The following CACNA2D3 variants were observed in gnomAD, a reference collection of about 807,000 sequenced individuals.
CACNA2D3 encodes the protein calcium voltage-gated channel auxiliary subunit alpha2delta 3, also known as voltage-dependent calcium channel subunit alpha-2/delta-3.
In CACNA2D3, 60 loss-of-function variants were observed where a neutral mutation model predicts 160.6. The ratio of observed to expected loss-of-function variants is 0.37; its 90% CI spans 0.30 to 0.46. The LOEUF is 0.46. Among genes scored for constraint, CACNA2D3 ranks in the 20% least tolerant of loss-of-function variants. The pLI is 1.00. For missense variants in CACNA2D3, 1,205 were observed against 1,365.0 expected (o/e 0.88, Z 1.85); for synonymous variants, 558 against 492.9 (o/e 1.13, Z -1.75).
At chr3:54,498,990 G>A (rs1298682142) in intron 4 of CACNA2D3, among the ~76,000 whole-genome samples, 1 of 152,026 alleles carries the variant, frequency 6.6e-6, no homozygotes, top group Non-Finnish European at 1.5e-5. Flanking sequence ...AACATAGTAT[G>A]TGGATTTCAG....
chr3:54,472,005 C>A (rs1700741449), intron 4 of CACNA2D3, among the ~76,000 whole-genome samples: 1 of 152,100 alleles, frequency 6.6e-6, no homozygotes, highest in Admixed American at 6.6e-5. Context: ...TGAAATAACT[C>A]CAAATGATAG....
At chr3:54,127,080 G>A (rs1699609377) in intron 2 of CACNA2D3, among the ~76,000 whole-genome samples, 1 of 152,172 alleles carries the variant, frequency 6.6e-6, no homozygotes, top group East Asian at 1.9e-4. Context: ...ATCCTCCTCA[G>A]GGAGAATTGG....
chr3:55,072,494 T>C (rs557335157), intron 35 of CACNA2D3, among the ~76,000 whole-genome samples: 14 of 152,346 alleles, frequency 9.2e-5, no homozygotes, highest in African/African-American at 3.4e-4. Context: ...AACAAATTTA[T>C]TGCGAGAAAG....
rs568913299 is a variant in CACNA2D3 at position 54,634,884 on chromosome 3, A to G, written c.1053+7008A>G. Reference sequence around the variant, plus strand: ...TACTTCAGGCCATCTGGGCATATACATGCAGGTCACAGGGGATGCAATGGC... The same window carrying G: ...TACTTCAGGCCATCTGGGCATATACGTGCAGGTCACAGGGGATGCAATGGC... On this transcript the variant is annotated intron_variant, in intron 10 of 37. Coordinates refer to ENST00000474759, the MANE Select transcript of CACNA2D3 (RefSeq NM_018398.3). Among the ~76,000 whole-genome samples, 238 of 150,410 alleles carry G rather than the reference A, an allele frequency of 1.6e-3. 1 individual carries two copies. The highest frequency in any genetic ancestry group is 5.2e-3 in the African/African-American group (209 of 40,444).
chr3:54,725,128 T>G (rs886072180), intron 11 of CACNA2D3, among the ~76,000 whole-genome samples: 1 of 152,152 alleles, frequency 6.6e-6, no homozygotes, highest in Admixed American at 6.5e-5. Context: ...GAGAATACTA[T>G]AAACACCTCT....
Position 54,227,115 on chromosome 3 carries a change from C to T in CACNA2D3, c.205-93327C>T, listed in dbSNP as rs79797306. Among the ~76,000 whole-genome samples, 581 of 152,222 alleles carry T rather than the reference C, an allele frequency of 3.8e-3. 6 individuals are homozygous for T. Among genetic ancestry groups the T allele is most frequent in the African/African-American group, 0.013 (555 of 41,524 alleles). ...GTGAAGATGGCAGAACATGTTGATA[C>T]GTAAAATCTGCTAACAACATGAATA... On this transcript the variant is annotated intron_variant, in intron 2 of 37. Coordinates refer to ENST00000474759, the MANE Select transcript of CACNA2D3 (RefSeq NM_018398.3).
chr3:55,004,307 G>A (rs1703041695), intron 31 of CACNA2D3, among the ~76,000 whole-genome samples: 1 of 152,328 alleles, frequency 6.6e-6, no homozygotes, highest in South Asian at 2.1e-4. Context: ...GTCCAAACCT[G>A]TTTCCTGGTG....
At chr3:54,538,594 G>A (rs1467916382) in intron 5 of CACNA2D3, among the ~76,000 whole-genome samples, 2 of 152,132 alleles carry the variant, frequency 1.3e-5, no homozygotes, top group African/African-American at 2.4e-5. Flanking sequence ...AGGATGCCAA[G>A]CTTCTGGGCA....
intron 5 of CACNA2D3, among the ~76,000 whole-genome samples, chr3:54,510,828 G>A (rs551958096): frequency 8.5e-5 from 13 of 152,132 alleles, no homozygotes; most frequent in Non-Finnish European, 1.5e-4. Context: ...CCTGGCACAC[G>A]GAGGAATTTG....
intron 4 of CACNA2D3, among the ~76,000 whole-genome samples, chr3:54,498,058 A>T (rs1259643400): frequency 9.5e-5 from 14 of 147,242 alleles, no homozygotes; most frequent in Non-Finnish European, 1.8e-4. Flanking sequence ...TTTTTTTTTT[A>T]AAGTTCTTGT....
At chr3:54,894,328 C>A (rs1163707299) in intron 25 of CACNA2D3, among the ~76,000 whole-genome samples, 1 of 152,174 alleles carries the variant, frequency 6.6e-6, no homozygotes, top group Non-Finnish European at 1.5e-5. Context: ...GCAGTGACAC[C>A]AGGGCTAATG....
At position 54,307,508 on chromosome 3, in the gene CACNA2D3, G is replaced by A. The variant is rs182831455; in HGVS notation, c.205-12934G>A. Among the ~76,000 whole-genome samples the A allele has an allele frequency of 3.4e-4, 52 of 152,190 alleles. No individual in the cohort carries two copies. In the East Asian group the frequency reaches 8.7e-3, roughly 25 times the overall value. ...TGGCAGTAGGGAATTATATGTCAGC[G>A]TCTCCCCACCTTTTCACAGAGGAAG... On this transcript the variant is annotated intron_variant, in intron 2 of 37. Transcript: ENST00000474759.
intron 3 of CACNA2D3, among the ~76,000 whole-genome samples, chr3:54,356,410 AGGT>A (rs1164692899): frequency 6.6e-6 from 1 of 152,222 alleles, no homozygotes; most frequent in Admixed American, 6.5e-5. Context: ...AGGAGGCCTC[AGGT>A]CATTGCAAAG....
intron 11 of CACNA2D3, among the ~76,000 whole-genome samples, chr3:54,712,076 A>G (rs2106965607): frequency 6.6e-6 from 1 of 152,310 alleles, no homozygotes; most frequent in East Asian, 1.9e-4. Context: ...TTCTAACTCT[A>G]CAACTTACTT....
intron 2 of CACNA2D3, among the ~76,000 whole-genome samples, chr3:54,216,661 A>G (rs1701468721): frequency 6.6e-6 from 1 of 152,224 alleles, no homozygotes; most frequent in Admixed American, 6.5e-5. Context: ...GGAGTTAGAA[A>G]GCTTTTTACC....
chr3:54,745,227 G>A (rs1178101356), intron 11 of CACNA2D3, among the ~76,000 whole-genome samples: 1 of 151,868 alleles, frequency 6.6e-6, no homozygotes, highest in Non-Finnish European at 1.5e-5. Context: ...AGGGAAAGCA[G>A]GCCAACCAGG....
chr3:54,518,133 A>C (rs1158398156), intron 5 of CACNA2D3, among the ~76,000 whole-genome samples: 1 of 152,086 alleles, frequency 6.6e-6, no homozygotes, highest in Non-Finnish European at 1.5e-5. Context: ...ATGGGGGTGG[A>C]ATTTTCCCCT....
At chr3:54,681,624 T>C (rs994317675) in intron 11 of CACNA2D3, among the ~76,000 whole-genome samples, 3 of 151,484 alleles carry the variant, frequency 2.0e-5, no homozygotes, top group African/African-American at 7.3e-5. Context: ...TAGGGGAAGA[T>C]AGAAGGTTGG....
chr3:54,239,312 TC>T (rs1701936412), intron 2 of CACNA2D3, among the ~76,000 whole-genome samples: 1 of 152,190 alleles, frequency 6.6e-6, no homozygotes, highest in Non-Finnish European at 1.5e-5. Flanking sequence ...TGGAAATAAA[TC>T]AGTAAATATT....
Sources: allele counts gnomAD v4.1 joint callset (sites outside exome capture counted in the v4.1 genomes callset), GRCh38; gene constraint gnomAD v4.1.1; transcripts MANE v1.5; gene names NCBI Gene and HGNC (gene_info 2026-07-23, HGNC 2026-07-21).